ITIH3: variants seen among roughly 807,000 people sequenced by gnomAD.
The protein encoded by ITIH3 is inter-alpha-trypsin inhibitor heavy chain H3.
ITIH3 carries 81 observed loss-of-function variants against 96.5 expected under a neutral mutation model. The ratio of observed to expected loss-of-function variants is 0.84; its 90% CI spans 0.70 to 1.01. ITIH3 has a LOEUF of 1.01. Among genes scored for constraint, ITIH3 ranks in the 50% least tolerant of loss-of-function variants. The probability of loss-of-function intolerance (pLI) is 0.00; values close to 1 mark genes in which losing one functional copy is unlikely to be tolerated. For missense variants in ITIH3, 1,057 were observed against 1,139.3 expected, an observed-to-expected ratio of 0.93 and a Z score of 1.04; for synonymous variants, 422 against 445.2, an observed-to-expected ratio of 0.95 and a Z score of 0.66.
At chr3:52,800,061 G>T in intron 9 of ITIH3, 140 bp downstream of exon 9, 2 of 740,496 alleles carry the variant, frequency 2.7e-6, no homozygotes, top group South Asian at 4.0e-5. Context: ...GGAGTGGATG[G>T]TCCTCAGGCT....
chr3:52,803,060 C>T (rs1033697201), intron 13 of ITIH3, among the ~76,000 whole-genome samples: 5 of 152,218 alleles, frequency 3.3e-5, no homozygotes, highest in African/African-American at 1.2e-4. Context: ...GCTGCCCACA[C>T]TGGGCATGGC....
At position 52,799,094 on chromosome 3, in the gene ITIH3, AC is replaced by A; in HGVS notation, c.789+6del. On this transcript the variant is annotated splice_donor_region_variant and intron_variant, in intron 7 of 21. Coordinates refer to ENST00000449956, the MANE Select transcript of ITIH3 (RefSeq NM_002217.4). ...GAGAATCTCCTGGCAACGTGCAGGT[AC>A]CCGGGCTGGCTGATTCATCATCAGG... 6.2e-7 allele frequency: 1 copy of A among 1,613,020 alleles called. No homozygotes were observed. The highest frequency in any genetic ancestry group is 8.5e-7 in the Non-Finnish European group (1 of 1,179,536).
At chr3:52,807,962 T>C (rs778260715) in intron 20 of ITIH3, 46 bp downstream of exon 20, 4 of 1,598,344 alleles carry the variant, frequency 2.5e-6, no homozygotes, top group Admixed American at 1.7e-5. Flanking sequence ...GAGAGCAGCA[T>C]GGGAAAGACA....
At chr3:52,800,500 A>G in intron 9 of ITIH3, 38 bp from the exon 10 acceptor site, 3 of 1,550,532 alleles carry the variant, frequency 1.9e-6, no homozygotes, top group Non-Finnish European at 2.6e-6. Flanking sequence ...TGGCACCCTG[A>G]GGACACCCTC....
In ITIH3 at chr3:52,808,688, A is replaced by T. The variant is rs760607438; in HGVS notation, c.*7A>T. The T allele has an allele frequency of 1.9e-6, 3 of 1,597,342 alleles. No homozygotes were observed. Among genetic ancestry groups the T allele is most frequent in the Non-Finnish European group, 1.7e-6 (2 of 1,165,912 alleles). ...TGTCCCCAACCTGTTTTGAGTAGAC[A>T]CACCAGCTCCTGTTGGGATGGATGG... On this transcript the variant is annotated 3_prime_UTR_variant, in exon 22 of 22. Coordinates refer to ENST00000449956, the MANE Select transcript of ITIH3 (RefSeq NM_002217.4).
chr3:52,800,049 T>C (rs1699761766), intron 9 of ITIH3, 128 bp downstream of exon 9: 3 of 793,154 alleles, frequency 3.8e-6, no homozygotes, highest in Admixed American at 2.8e-5. Flanking sequence ...GGGGTAGAGG[T>C]GGGAGTGGAT....
At chr3:52,800,057 G>T (rs774826540) in intron 9 of ITIH3, 136 bp downstream of exon 9, 29 of 768,670 alleles carry the variant, frequency 3.8e-5, no homozygotes, top group Non-Finnish European at 5.3e-5. Context: ...GGTGGGAGTG[G>T]ATGGTCCTCA....
Position 52,802,371 on chromosome 3 carries a change from G to A in ITIH3, c.1421G>A (p.Gly474Asp). ...GAGGTGGCCAACCCACTGCTGACGG[G>A]TGTGGAGATGGAGTACCCCGAGAAC... is the stretch of plus-strand genomic sequence containing the variant. ...YEEVANPLLT[G>D]VEMEYPENAI... The change falls in exon 12 of 22, where the codon GGT becomes GAT. Residue 474 changes from glycine to aspartate, a missense_variant. By Grantham distance (94) the Gly-to-Asp change is moderately conservative (BLOSUM62 -1). Transcript: ENST00000449956. 1 of 1,613,982 alleles carries A rather than the reference G, an allele frequency of 6.2e-7. No homozygotes were observed. Among genetic ancestry groups the A allele is most frequent in the Non-Finnish European group, 8.5e-7 (1 of 1,179,888 alleles).
At chr3:52,796,446 C>T (rs748322256) in intron 2 of ITIH3, 35 bp from the exon 3 acceptor site, 3 of 1,596,812 alleles carry the variant, frequency 1.9e-6, no homozygotes, top group Non-Finnish European at 2.6e-6. Context: ...CTCCAGTGTC[C>T]CAGTCTGGCT....
rs1180274027 is a variant in ITIH3 at position 52,799,752 on chromosome 3, G to C, written c.907-1G>C. On this transcript the variant is annotated splice_acceptor_variant, in intron 8 of 21. Coordinates refer to ENST00000449956, the MANE Select transcript of ITIH3 (RefSeq NM_002217.4). LOFTEE classifies it high-confidence loss of function. ...CTCCCAGCTCTTTGTCTCTCCTCCA[G>C]ACAAAGGAGGCCCTTCTCAGAATCC... 1 of 1,609,950 alleles carries C rather than the reference G, an allele frequency of 6.2e-7. No homozygotes were observed. The highest frequency in any genetic ancestry group is 1.1e-5 in the South Asian group (1 of 90,418).
intron 15 of ITIH3, 135 bp downstream of exon 15, chr3:52,804,869 A>G (rs1699980634): frequency 1.0e-6 from 1 of 957,028 alleles, no homozygotes. Flanking sequence ...GCCCAGCCCT[A>G]TTGCCAAATC....
Position 52,796,662 on chromosome 3 carries a change from G to A in ITIH3, c.281+15G>A. On this transcript the variant is annotated intron_variant, in intron 3 of 21. Coordinates refer to ENST00000449956, the MANE Select transcript of ITIH3 (RefSeq NM_002217.4). ...AACTTCACCTTGTGGGTACCACCAT[G>A]GCTGCTGGCTCTGGGCTCGGGAACA... 6.2e-7 allele frequency: 1 copy of A among 1,609,438 alleles called. No individual in the cohort carries two copies. The highest frequency in any genetic ancestry group is 8.5e-7 in the Non-Finnish European group (1 of 1,176,586).
At chr3:52,797,665 C>T (rs940700899) in intron 5 of ITIH3, among the ~76,000 whole-genome samples, 152 bp from the exon 6 acceptor site, 4 of 152,234 alleles carry the variant, frequency 2.6e-5, no homozygotes, top group Non-Finnish European at 4.4e-5. Flanking sequence ...CCCCTGTGGT[C>T]ACTTTCGCAG....
At chr3:52,795,764 C>A in intron 2 of ITIH3, 141 bp downstream of exon 2, 1 of 772,450 alleles carries the variant, frequency 1.3e-6, no homozygotes, top group Non-Finnish European at 2.1e-6. Flanking sequence ...TGGCAGCCTC[C>A]AACAGCGCAG....
At position 52,804,517 on chromosome 3, in the gene ITIH3, A is replaced by G. The variant is rs1194004940; in HGVS notation, c.1865-209A>G. On this transcript the variant is annotated intron_variant, in intron 14 of 21. Coordinates refer to ENST00000449956, the MANE Select transcript of ITIH3 (RefSeq NM_002217.4). ...TGGTGGAGGATTGGCATTGGGAGAC[A>G]TGGGAGGCAAAGAGCTGGGCCTGGC... is the stretch of plus-strand genomic sequence containing the variant. 2.4e-5 allele frequency: 14 copies of G among 577,830 alleles called. No homozygotes were observed. In the East Asian group the frequency reaches 3.6e-4, roughly 15 times the overall value. The allele number at this position is 577,830 out of a possible 1,614,324, so 35.8% of individuals were successfully genotyped here.
intron 7 of ITIH3, 79 bp downstream of exon 7, chr3:52,799,170 C>T: frequency 2.6e-6 from 4 of 1,531,144 alleles, no homozygotes; most frequent in Non-Finnish European, 3.6e-6. Flanking sequence ...CTAGTGCCAT[C>T]ACCCTGGGTC....
intron 2 of ITIH3, 119 bp downstream of exon 2, chr3:52,795,742 G>A (rs559173617): frequency 7.1e-6 from 7 of 987,000 alleles, no homozygotes; most frequent in African/African-American, 3.2e-5. Context: ...AACAGCTTAC[G>A]GCCCTCTGCC....
At chr3:52,804,169 C>A (rs904477729) in intron 14 of ITIH3, 160 bp downstream of exon 14, 16 of 702,534 alleles carry the variant, frequency 2.3e-5, no homozygotes, top group Non-Finnish European at 3.6e-5. Flanking sequence ...TGGGGTGGAG[C>A]GTGAAGCAGT....
rs9816589 is a variant in ITIH3 at position 52,796,531 on chromosome 3, C to T, written c.165C>T (p.Thr55=). Residue 55 remains threonine, a synonymous_variant, in exon 3 of 22, where the codon ACC becomes ACT. Coordinates refer to ENST00000449956, the MANE Select transcript of ITIH3 (RefSeq NM_002217.4). ...GTACCAAAATCAACTCCAAGGTGAC[C>T]TCCCGTTTTGCTCACAATGTTGTCA... ...VYSTKINSKV[T]SRFAHNVVTM... is the part of the protein sequence containing the mutation. The T allele has an allele frequency of 3.3e-3, 5,377 of 1,613,516 alleles. 162 individuals are homozygous for T. The African/African-American group carries it at 0.063, about 19-fold the overall frequency.
Sources: gnomAD v4.1 joint callset for allele counts (sites outside exome capture counted in the v4.1 genomes callset) on GRCh38, gnomAD v4.1.1 for gene constraint, MANE v1.5 for transcripts, NCBI Gene and HGNC (gene_info 2026-07-23, HGNC 2026-07-21) for gene names.